RIC1: variants seen among roughly 807,000 people sequenced by gnomAD.
RIC1 encodes the protein RIC1 partner of RAB6A GEF complex, also known as guanine nucleotide exchange factor subunit RIC1.
In RIC1, 88 loss-of-function variants were observed where a neutral mutation model predicts 169.0. The observed-to-expected ratio is 0.52, with a 90% CI of 0.44 to 0.62. The LOEUF is 0.62. RIC1 is among the 20% of genes least tolerant of loss of function. The probability of loss-of-function intolerance (pLI) is 0.00; values close to 1 mark genes in which losing one functional copy is unlikely to be tolerated. For missense variants in RIC1, 1,877 were observed against 1,725.5 expected (o/e 1.09, Z -1.56); for synonymous variants, 790 against 601.5 (o/e 1.31, Z -4.59).
chr9:5,656,068 C>T (rs1819079870), intron 1 of RIC1, among the ~76,000 whole-genome samples: 1 of 152,106 alleles, frequency 6.6e-6, no homozygotes, highest in Non-Finnish European at 1.5e-5. Flanking sequence ...AACGGGGTTT[C>T]ACTGTGTTAG....
At chr9:5,702,757 G>C (rs1822311344) in intron 3 of RIC1, among the ~76,000 whole-genome samples, 1 of 152,154 alleles carries the variant, frequency 6.6e-6, no homozygotes, top group Non-Finnish European at 1.5e-5. Flanking sequence ...CTGTTGCCCA[G>C]GCTGGTCTCG....
At chr9:5,672,118 C>T (rs985229250) in intron 2 of RIC1, among the ~76,000 whole-genome samples, 11 of 152,208 alleles carry the variant, frequency 7.2e-5, no homozygotes, top group African/African-American at 2.7e-4. Context: ...GCTGAAGCCT[C>T]AGCTCAGCAG....
At position 5,728,788 on chromosome 9, in the gene RIC1, T is replaced by C. The variant is rs547594622; in HGVS notation, c.721-3600T>C. ...GTTTTTTGGCCTTCTGTCATAATTA[T>C]CCTGAGATTCCCTTTACTCTTATTT... On this transcript the variant is annotated intron_variant, in intron 6 of 25. Transcript: ENST00000414202. Among the ~76,000 whole-genome samples, 147 of 152,368 alleles carry C rather than the reference T, an allele frequency of 9.6e-4. 1 individual carries two copies. Among genetic ancestry groups the C allele is most frequent in the Non-Finnish European group, 1.8e-3 (122 of 68,044 alleles).
chr9:5,718,689 G>T (rs1823414137), intron 4 of RIC1, among the ~76,000 whole-genome samples: 1 of 152,032 alleles, frequency 6.6e-6, no homozygotes, highest in Non-Finnish European at 1.5e-5. Flanking sequence ...CCCACCAAAT[G>T]ATACACATAG....
intron 7 of RIC1, among the ~76,000 whole-genome samples, chr9:5,737,854 T>C (rs143121610): frequency 7.0e-4 from 106 of 151,824 alleles, no homozygotes; most frequent in African/African-American, 2.4e-3. Context: ...ATTAAGAAAA[T>C]TATAAGGAAG....
At position 5,629,414 on chromosome 9, in the gene RIC1, C is replaced by T. The variant is rs537536065; in HGVS notation, c.105C>T (p.Ala35=). The change falls in exon 1 of 26, where the codon GCC becomes GCT. Residue 35 remains alanine (A), a synonymous_variant. Coordinates refer to ENST00000414202, the MANE Select transcript of RIC1 (RefSeq NM_020829.4). ...VQSDPQRAFF[A]VLAAARLSIW... ...CCGACCCGCAGAGGGCTTTCTTCGC[C>T]GTGCTGGCCGCGGCCCGCCTCAGCA... is the stretch of plus-strand genomic sequence containing the variant. 5 of 1,534,084 alleles carry T rather than the reference C, an allele frequency of 3.3e-6. No homozygotes were observed. The South Asian group carries it at 3.6e-5, about 11-fold the overall frequency.
chr9:5,657,181 C>A (rs1237238195), intron 2 of RIC1, among the ~76,000 whole-genome samples: 1 of 152,014 alleles, frequency 6.6e-6, no homozygotes, highest in Non-Finnish European at 1.5e-5. Flanking sequence ...CCTTCCATTC[C>A]AAAAGATATT....
chr9:5,667,769 G>T (rs1324539928), intron 2 of RIC1, among the ~76,000 whole-genome samples: 1 of 152,114 alleles, frequency 6.6e-6, no homozygotes, highest in Non-Finnish European at 1.5e-5. Flanking sequence ...CCTGTCAAGT[G>T]CTGGGATTAC....
At chr9:5,675,521 CTT>C (rs1326737553) in intron 2 of RIC1, among the ~76,000 whole-genome samples, 2 of 152,124 alleles carry the variant, frequency 1.3e-5, no homozygotes, top group East Asian at 3.8e-4. Flanking sequence ...TTTTGTTACT[CTT>C]TATGTACTTT....
intron 2 of RIC1, among the ~76,000 whole-genome samples, chr9:5,660,833 T>A (rs1259343530): frequency 2.0e-5 from 3 of 152,240 alleles, no homozygotes; most frequent in Non-Finnish European, 4.4e-5. Context: ...TTTCTGTTGC[T>A]GTGCAGAAGC....
chr9:5,645,009 A>G (rs1038686355), intron 1 of RIC1, among the ~76,000 whole-genome samples: 25 of 152,188 alleles, frequency 1.6e-4, no homozygotes, highest in Non-Finnish European at 3.1e-4. Context: ...CTTATTAGCT[A>G]TTTATATATC....
At chr9:5,767,745 G>A (rs1444787475) in intron 21 of RIC1, among the ~76,000 whole-genome samples, 3 of 151,944 alleles carry the variant, frequency 2.0e-5, no homozygotes, top group Non-Finnish European at 2.9e-5. Context: ...GCACCACCAC[G>A]CCTGGCTCAT....
rs565570663 is a variant in RIC1 at position 5,650,320 on chromosome 9, T to C, written c.145-6263T>C. Among the ~76,000 whole-genome samples, 10 of 152,102 alleles carry C rather than the reference T, an allele frequency of 6.6e-5. 1 individual carries two copies. In the South Asian group the frequency reaches 2.1e-3, roughly 32 times the overall value. On this transcript the variant is annotated intron_variant, in intron 1 of 25. Coordinates refer to ENST00000414202, the MANE Select transcript of RIC1 (RefSeq NM_020829.4). Reference sequence around the variant, plus strand: ...TCAGGCTTCCCTGTAGGAGTGCGTATGTGTGAGTGGCAGACAGGGTGAGGC... The same window carrying C: ...TCAGGCTTCCCTGTAGGAGTGCGTACGTGTGAGTGGCAGACAGGGTGAGGC...
At chr9:5,693,929 G>T (rs1015609831) in intron 3 of RIC1, among the ~76,000 whole-genome samples, 1 of 148,726 alleles carries the variant, frequency 6.7e-6, no homozygotes, top group East Asian at 2.0e-4. Context: ...AAAAGTTTCT[G>T]TACTGAAATT....
intron 2 of RIC1, among the ~76,000 whole-genome samples, chr9:5,684,574 T>A (rs553501292): frequency 6.7e-4 from 102 of 152,294 alleles, no homozygotes; most frequent in African/African-American, 2.4e-3. Context: ...ATGCAGTTGA[T>A]TTTTCTATAT....
intron 21 of RIC1, among the ~76,000 whole-genome samples, chr9:5,766,735 A>G (rs1563721561): frequency 6.6e-6 from 1 of 152,166 alleles, no homozygotes; most frequent in Non-Finnish European, 1.5e-5. Context: ...AAGTTTCTTT[A>G]TCCACTCGTT....
At chr9:5,739,900 C>G (rs540480808) in intron 8 of RIC1, among the ~76,000 whole-genome samples, 1 of 152,300 alleles carries the variant, frequency 6.6e-6, no homozygotes, top group South Asian at 2.1e-4. Flanking sequence ...ACAGTAGACA[C>G]CTGGTGAGGC....
chr9:5,751,517 G>A (rs1179859291), intron 12 of RIC1, among the ~76,000 whole-genome samples: 1 of 151,664 alleles, frequency 6.6e-6, no homozygotes, highest in South Asian at 2.1e-4. Flanking sequence ...CATCACGCCT[G>A]GCTAATTTTT....
intron 3 of RIC1, among the ~76,000 whole-genome samples, chr9:5,694,001 C>G (rs985992343): frequency 6.6e-6 from 1 of 151,886 alleles, no homozygotes; most frequent in African/African-American, 2.4e-5. Flanking sequence ...AAAAAAGTCA[C>G]TCCAAAATAT....
Sources: gnomAD v4.1 joint callset for allele counts (sites outside exome capture counted in the v4.1 genomes callset) on GRCh38, gnomAD v4.1.1 for gene constraint, MANE v1.5 for transcripts, NCBI Gene and HGNC (gene_info 2026-07-23, HGNC 2026-07-21) for gene names.